The following TJP3 variants were observed in gnomAD, a reference collection of about 807,000 sequenced individuals.
TJP3 encodes tight junction protein 3, also known as tight junction protein ZO-3.
A neutral mutation model predicts 104.2 loss-of-function variants in TJP3; 85 were observed. The ratio of observed to expected loss-of-function variants is 0.82; its 90% CI spans 0.68 to 0.98. The LOEUF (loss-of-function observed/expected upper bound fraction) is 0.98. Ranked by LOEUF, TJP3 falls within the 50% of genes least tolerant of loss-of-function variation. TJP3 has a pLI of 0.00. For missense variants in TJP3, 1,367 were observed against 1,322.8 expected (o/e 1.03, Z -0.52); for synonymous variants, 550 against 550.6 (o/e 1.00, Z 0.02).
chr19:3,735,520 C>A (rs1009471543), intron 8 of TJP3, 46 bp from the exon 9 acceptor site: 6 of 1,593,462 alleles, frequency 3.8e-6, no homozygotes, highest in Non-Finnish European at 5.2e-6. Flanking sequence ...TTAAAATGGC[C>A]CCTTGAAATC....
chr19:3,748,837 C>T (rs1168439225), intron 19 of TJP3, among the ~76,000 whole-genome samples: 2 of 142,324 alleles, frequency 1.4e-5, no homozygotes, highest in Non-Finnish European at 3.0e-5. Flanking sequence ...GTGTGAGCCA[C>T]TGCACCCGGC....
At chr19:3,714,592 G>T (rs1398444612) in intron 1 of TJP3, among the ~76,000 whole-genome samples, 1 of 151,946 alleles carries the variant, frequency 6.6e-6, no homozygotes, top group African/African-American at 2.4e-5. Context: ...GACAATAATT[G>T]AATAATCGCA....
chr19:3,737,086 G>A (rs1309286208), intron 11 of TJP3, among the ~76,000 whole-genome samples: 1 of 151,856 alleles, frequency 6.6e-6, no homozygotes, highest in African/African-American at 2.4e-5. Context: ...CACCATGTTG[G>A]CCAGGCTGGT....
Position 3,746,000 on chromosome 19 carries a change from G to C in TJP3, c.1940-11G>C, listed in dbSNP as rs2145704107. On this transcript the variant is annotated splice_polypyrimidine_tract_variant and intron_variant, in intron 15 of 20. Transcript: ENST00000541714. ...CCTCCTGAAGCTGCTGGTCCTCTCT[G>C]CCGTCCACAGAGACTGTGTCCAGGA... 1.3e-6 allele frequency: 2 copies of C among 1,596,246 alleles called. No individual in the cohort carries two copies. The highest frequency in any genetic ancestry group is 8.5e-7 in the Non-Finnish European group (1 of 1,170,578).
rs569583957 is a variant in TJP3, at chr19:3,736,867, C to T, written c.1284+546C>T. Among the ~76,000 whole-genome samples, 18 of 141,782 alleles carry T rather than the reference C, an allele frequency of 1.3e-4. No individual in the cohort carries two copies. The South Asian group carries it at 1.8e-3, about 14-fold the overall frequency. 93.0% of individuals were successfully genotyped at this position (141,782 alleles called of 152,430 possible). Reference sequence around the variant, plus strand: ...CTGAGATTACAGGCATGAGCCACTGCGCCTGGCTAACTTTTTTTTTTTTTT... The same window carrying T: ...CTGAGATTACAGGCATGAGCCACTGTGCCTGGCTAACTTTTTTTTTTTTTT... On this transcript the variant is annotated intron_variant, in intron 11 of 20. Transcript: ENST00000541714.
intron 14 of TJP3, 127 bp from the exon 15 acceptor site, chr19:3,743,812 C>T: frequency 1.3e-6 from 1 of 788,718 alleles, no homozygotes; most frequent in Non-Finnish European, 2.1e-6. Context: ...TAGTATTTGG[C>T]TGGGTAGCTA....
At position 3,730,768 on chromosome 19, in the gene TJP3, G is replaced by T. The variant is rs540443573; in HGVS notation, c.613+62G>T. 2.0e-4 allele frequency: 297 copies of T among 1,499,762 alleles called. 5 individuals are homozygous for T. The South Asian group carries it at 3.2e-3, about 16-fold the overall frequency. 92.9% of individuals were successfully genotyped at this position (1,499,762 alleles called of 1,614,324 possible). On this transcript the variant is annotated intron_variant, in intron 5 of 20. Coordinates refer to ENST00000541714, the MANE Select transcript of TJP3 (RefSeq NM_001267560.2). The surrounding 1 kb of genome is among the most constrained non-coding windows in gnomAD (Gnocchi z 7.3). ...GGACACAGGGCACCGTGGTCGGATGGGCGACGGTTTCAAGTGATTCTCCTG... is the reference window on the plus strand; with the variant it reads ...GGACACAGGGCACCGTGGTCGGATGTGCGACGGTTTCAAGTGATTCTCCTG...
chr19:3,708,954 T>A (rs1446480813), intron 1 of TJP3, among the ~76,000 whole-genome samples: 3 of 151,880 alleles, frequency 2.0e-5, no homozygotes, highest in African/African-American at 7.3e-5. Context: ...AGGTGACAGG[T>A]GGGAAAGGCT....
chr19:3,750,449 C>T, intron 20 of TJP3, 133 bp from the exon 21 acceptor site: 3 of 826,290 alleles, frequency 3.6e-6, no homozygotes, highest in Non-Finnish European at 5.8e-6. Context: ...GTTAACAAGG[C>T]CCTACCCATG....
intron 13 of TJP3, among the ~76,000 whole-genome samples, chr19:3,739,448 C>T (rs1336016900): frequency 6.6e-6 from 1 of 152,156 alleles, no homozygotes; most frequent in African/African-American, 2.4e-5. Flanking sequence ...CGAGATCACG[C>T]CACTGCACTC....
chr19:3,736,360 G>A, intron 11 of TJP3, 39 bp downstream of exon 11: 1 of 1,492,130 alleles, frequency 6.7e-7, no homozygotes, highest in South Asian at 1.4e-5. Flanking sequence ...CTGATCATGG[G>A]CGTGCAGTGT....
chr19:3,734,434 G>A lies in TJP3; in HGVS notation c.985G>A (p.Val329Met), dbSNP rs776839557. 56 of 1,604,110 alleles carry A rather than the reference G, an allele frequency of 3.5e-5. No homozygotes were observed. The highest frequency in any genetic ancestry group is 2.0e-4 in the Admixed American group (12 of 58,792). Residue 329 changes from valine to methionine, a missense_variant and splice_region_variant, in exon 8 of 21, where the codon GTG (valine) becomes ATG (methionine). Coordinates refer to ENST00000541714, the MANE Select transcript of TJP3 (RefSeq NM_001267560.2). ...CGAGGCCAGCCAGACCGACTCTCCC[G>A]TGTAAGTATCACCCATCGGCCAGAA... is the stretch of plus-strand genomic sequence containing the variant. The part of the protein sequence containing the change: ...SPEASQTDSP[V>M]ESPRLRRESS...
intron 15 of TJP3, among the ~76,000 whole-genome samples, 166 bp from the exon 16 acceptor site, chr19:3,745,845 A>C (rs1016767616): frequency 3.3e-5 from 5 of 152,202 alleles, no homozygotes; most frequent in Admixed American, 2.6e-4. Context: ...ATGTGAGTGC[A>C]GTGCCTGGCA....
At chr19:3,728,760 A>G in intron 3 of TJP3, 47 bp downstream of exon 3, 2 of 1,588,232 alleles carry the variant, frequency 1.3e-6, no homozygotes, top group Non-Finnish European at 1.7e-6. Flanking sequence ...GCACGTGGAG[A>G]GGAGAAACCA....
In TJP3 at chr19:3,734,346, G is replaced by A. The variant is rs148722853; in HGVS notation, c.897G>A (p.Ser299=). 59 of 1,613,680 alleles carry A rather than the reference G, an allele frequency of 3.7e-5. 1 individual carries two copies. The African/African-American group carries it at 4.8e-4, about 13-fold the overall frequency. Residue 299 remains serine (S), a synonymous_variant, in exon 8 of 21, where the codon TCG becomes TCA. Coordinates refer to ENST00000541714, the MANE Select transcript of TJP3 (RefSeq NM_001267560.2). The stretch of plus-strand genomic sequence containing the variant: ...CTGCAGACATCTCGGACCTCGCCTC[G>A]GAGCTATCGCAGGCACCACCATCCC... ...SPLEDISDLA[S]ELSQAPPSHI...
chr19:3,720,354 C>T (rs1436941859), intron 1 of TJP3, among the ~76,000 whole-genome samples: 2 of 152,146 alleles, frequency 1.3e-5, no homozygotes, highest in Non-Finnish European at 2.9e-5. Flanking sequence ...TCTTCGGGGA[C>T]CCTCTAAGAC....
At chr19:3,723,804 A>T (rs1456241718) in intron 1 of TJP3, among the ~76,000 whole-genome samples, 2 of 91,278 alleles carry the variant, frequency 2.2e-5, no homozygotes, top group African/African-American at 6.8e-5. Flanking sequence ...AAAGAAAAAA[A>T]AAAAATATAT....
intron 1 of TJP3, among the ~76,000 whole-genome samples, chr19:3,718,098 C>T (rs1021016802): frequency 1.4e-5 from 2 of 145,336 alleles, no homozygotes; most frequent in South Asian, 4.5e-4. Context: ...CCCAGCTACT[C>T]GGGAGGCTGA....
Position 3,740,722 on chromosome 19 carries a change from A to G in TJP3, c.1802A>G (p.Gln601Arg). Residue 601 changes from glutamine (Q) to arginine (R), a missense_variant, in exon 14 of 21, where the codon CAG becomes CGG. By Grantham distance (43) the Gln-to-Arg change is conservative. Transcript: ENST00000541714. ...GAGGACCTCTCAGCTCTGACCCGAC[A>G]GGGCCGCTACCCGCCCTACGAACGA... ...SREDLSALTRQGRYPPYERVV... is the reference protein window; with the variant it reads ...SREDLSALTRRGRYPPYERVV... 6.2e-7 allele frequency: 1 copy of G among 1,600,430 alleles called. No individual in the cohort carries two copies. Among genetic ancestry groups the G allele is most frequent in the Non-Finnish European group, 8.5e-7 (1 of 1,174,120 alleles).
Sources: allele counts gnomAD v4.1 joint callset (sites outside exome capture counted in the v4.1 genomes callset), GRCh38; gene constraint gnomAD v4.1.1; non-coding constraint Gnocchi (gnomAD v3.1); transcripts MANE v1.5; gene names NCBI Gene and HGNC (gene_info 2026-07-23, HGNC 2026-07-21).